REC114: variants seen among roughly 807,000 people sequenced by gnomAD.
REC114 encodes REC114 meiotic recombination protein.
In REC114, 27 loss-of-function variants were observed where a neutral mutation model predicts 31.3. The ratio of observed to expected loss-of-function variants is 0.86; its 90% CI spans 0.64 to 1.19. The LOEUF (loss-of-function observed/expected upper bound fraction) is 1.19. REC114 is among the 50% of genes most tolerant of loss of function. REC114 has a pLI of 0.00. For synonymous variants in REC114, 134 were observed against 127.7 expected, an observed-to-expected ratio of 1.05 and a Z score of -0.33; for missense variants, 344 against 326.9, an observed-to-expected ratio of 1.05 and a Z score of -0.40.
intron 2 of REC114, among the ~76,000 whole-genome samples, chr15:73,476,525 T>G (rs1384256644): frequency 3.3e-5 from 5 of 152,236 alleles, no homozygotes; most frequent in African/African-American, 1.2e-4. Context: ...ACTGTGTACG[T>G]TATTTTGAAG....
intron 2 of REC114, among the ~76,000 whole-genome samples, chr15:73,487,855 G>GC (rs1191193057): frequency 1.3e-5 from 2 of 151,892 alleles, no homozygotes; most frequent in Non-Finnish European, 2.9e-5. Flanking sequence ...ATCTACAGTG[G>GC]CCCCACCATG....
At chr15:73,544,786 C>A (rs572490484) in intron 3 of REC114, among the ~76,000 whole-genome samples, 1 of 152,360 alleles carries the variant, frequency 6.6e-6, no homozygotes, top group East Asian at 1.9e-4. Context: ...TGTACTTCCA[C>A]ATTTTCTATA....
chr15:73,461,906 TTTTTCTTTTTCTTTTC>T (rs1215800682), intron 1 of REC114, among the ~76,000 whole-genome samples: 47 of 140,944 alleles, frequency 3.3e-4, no homozygotes, highest in Admixed American at 4.9e-4. Context: ...AACATTTTTC[TTTTTCTTTTTCTTTTC>T]TTTTTTTTTT....
chr15:73,538,455 C>CTTTTTTTT (rs34642401), intron 2 of REC114, among the ~76,000 whole-genome samples: 85 of 124,004 alleles, frequency 6.9e-4, no homozygotes, highest in Non-Finnish European at 1.1e-3. Flanking sequence ...AATTCTATTT[C>CTTTTTTTT]TTTTTTTTTT....
At chr15:73,507,031 A>C (rs561196661) in intron 2 of REC114, among the ~76,000 whole-genome samples, 14 of 152,306 alleles carry the variant, frequency 9.2e-5, no homozygotes, top group African/African-American at 3.4e-4. Flanking sequence ...CTACATAAAA[A>C]AATTCAAAAC....
At position 73,446,270 on chromosome 15, in the gene REC114, G is replaced by A. The variant is rs74450801; in HGVS notation, c.159+2926G>A. On this transcript the variant is annotated intron_variant, in intron 1 of 5. Transcript: ENST00000331090. ...TTTTGGATTATACACATACATGTAC[G>A]TCACATGTGTGCACACATGCATACA... Among the ~76,000 whole-genome samples, 1,307 of 152,246 alleles carry A rather than the reference G, an allele frequency of 8.6e-3. 13 individuals are homozygous for A. Among genetic ancestry groups the A allele is most frequent in the Non-Finnish European group, 0.013 (855 of 68,026 alleles).
intron 2 of REC114, among the ~76,000 whole-genome samples, chr15:73,486,312 G>C (rs1258539073): frequency 1.3e-5 from 2 of 152,102 alleles, no homozygotes; most frequent in Non-Finnish European, 2.9e-5. Flanking sequence ...TGGTCAGGCT[G>C]GTCTCGAGCT....
chr15:73,505,039 C>CTT (rs913341767), intron 2 of REC114, among the ~76,000 whole-genome samples: 9 of 151,090 alleles, frequency 6.0e-5, no homozygotes, highest in African/African-American at 2.2e-4. Flanking sequence ...CACAAGTGAC[C>CTT]TTTTTTTTTC....
intron 1 of REC114, among the ~76,000 whole-genome samples, chr15:73,466,788 C>A (rs79238554): frequency 1.3e-5 from 2 of 152,154 alleles, no homozygotes; most frequent in African/African-American, 4.8e-5. Flanking sequence ...TTTACACTTG[C>A]AACAGTGTTT....
At chr15:73,453,714 C>T (rs1406378851) in intron 1 of REC114, among the ~76,000 whole-genome samples, 3 of 152,090 alleles carry the variant, frequency 2.0e-5, no homozygotes, top group African/African-American at 7.2e-5. Context: ...GACTTGGAAC[C>T]AACCCAAATG....
chr15:73,537,023 A>C (rs968553644), intron 2 of REC114, among the ~76,000 whole-genome samples: 1 of 152,236 alleles, frequency 6.6e-6, no homozygotes, highest in East Asian at 1.9e-4. Flanking sequence ...TAATTGTAAT[A>C]AAGTGTTTCA....
chr15:73,477,864 T>A (rs891403500), intron 2 of REC114, among the ~76,000 whole-genome samples: 3 of 152,178 alleles, frequency 2.0e-5, no homozygotes, highest in African/African-American at 7.2e-5. Context: ...ATTAAAGCAA[T>A]GTGGTATTGA....
intron 3 of REC114, among the ~76,000 whole-genome samples, chr15:73,544,967 C>G (rs1354704665): frequency 6.6e-6 from 1 of 152,178 alleles, no homozygotes; most frequent in Non-Finnish European, 1.5e-5. Flanking sequence ...GTTAACTGGG[C>G]TCCACATTTT....
chr15:73,443,423 T>G, intron 1 of REC114, 79 bp downstream of exon 1: 6 of 1,426,940 alleles, frequency 4.2e-6, no homozygotes, highest in Non-Finnish European at 5.6e-6. Flanking sequence ...ACTGGGCCAG[T>G]GCCCCGAAAG....
intron 2 of REC114, among the ~76,000 whole-genome samples, chr15:73,505,931 G>A (rs183486967): frequency 4.2e-4 from 64 of 152,266 alleles, no homozygotes; most frequent in African/African-American, 1.4e-3. Flanking sequence ...AGTTTGAAAG[G>A]CTCTCTTCTT....
chr15:73,446,351 C>T (rs915250314), intron 1 of REC114, among the ~76,000 whole-genome samples: 8 of 152,108 alleles, frequency 5.3e-5, no homozygotes, highest in Non-Finnish European at 1.2e-4. Context: ...GAATAAAGGT[C>T]CCAGGTAGCT....
At chr15:73,449,308 C>T (rs1169421193) in intron 1 of REC114, among the ~76,000 whole-genome samples, 1 of 151,954 alleles carries the variant, frequency 6.6e-6, no homozygotes, top group East Asian at 1.9e-4. Context: ...CAGAAATGAC[C>T]TGATGGAGCT....
chr15:73,458,816 AGCT>A (rs1205286169), intron 1 of REC114, among the ~76,000 whole-genome samples: 1 of 152,210 alleles, frequency 6.6e-6, no homozygotes, highest in Non-Finnish European at 1.5e-5. Flanking sequence ...TGGCCATCCT[AGCT>A]GCACGGGCAG....
chr15:73,446,984 C>T (rs914222901), intron 1 of REC114, among the ~76,000 whole-genome samples: 9 of 152,112 alleles, frequency 5.9e-5, no homozygotes, highest in Non-Finnish European at 1.0e-4. Context: ...ATGGCTTAGA[C>T]TCAGGGCATG....
Sources: allele counts gnomAD v4.1 joint callset (sites outside exome capture counted in the v4.1 genomes callset), GRCh38; gene constraint gnomAD v4.1.1; transcripts MANE v1.5; gene names NCBI Gene and HGNC (gene_info 2026-07-23, HGNC 2026-07-21).